The following WDR90 variants were observed in gnomAD, a reference collection of about 807,000 sequenced individuals.
The protein encoded by WDR90 is WD repeat-containing protein 90.
In WDR90, 238 loss-of-function variants were observed where a neutral mutation model predicts 195.2. The ratio of observed to expected loss-of-function variants is 1.22; its 90% CI spans 1.10 to 1.36. WDR90 has a LOEUF of 1.36. Among genes scored for constraint, WDR90 ranks in the 40% most tolerant of loss-of-function variants. The pLI is 0.00. For missense variants in WDR90, 2,734 were observed against 2,439.5 expected (o/e 1.12, Z -2.54); for synonymous variants, 1,265 against 1,052.4 (o/e 1.20, Z -3.91).
Position 662,678 on chromosome 16 carries a change from G to A in WDR90, c.4146-1G>A. ...CTCCTTCCCTGCACCCTGAGGTCCAGTTCTGTGTTCATGGAACACGAGCTG... is the reference window on the plus strand; with the variant it reads ...CTCCTTCCCTGCACCCTGAGGTCCAATTCTGTGTTCATGGAACACGAGCTG... On this transcript the variant is annotated splice_acceptor_variant, in intron 33 of 40. Transcript: ENST00000293879. LOFTEE classifies it high-confidence loss of function. The A allele has an allele frequency of 1.9e-6, 3 of 1,546,350 alleles. No homozygotes were observed. Among genetic ancestry groups the A allele is most frequent in the Non-Finnish European group, 2.6e-6 (3 of 1,143,220 alleles).
chr16:659,130 A>G lies in WDR90; in HGVS notation c.3052+4A>G, dbSNP rs768416222. 10 of 1,611,478 alleles carry G rather than the reference A, an allele frequency of 6.2e-6. No individual in the cohort carries two copies. Among genetic ancestry groups the G allele is most frequent in the African/African-American group, 1.3e-5 (1 of 74,988 alleles). ...GCCCCCCCAGCCTGCAAGACAGGTG[A>G]GTGGCTGTGCTCAGCTGGGGTGCAG... On this transcript the variant is annotated splice_donor_region_variant and intron_variant, in intron 25 of 40. Coordinates refer to ENST00000293879, the MANE Select transcript of WDR90 (RefSeq NM_145294.5).
intron 10 of WDR90, among the ~76,000 whole-genome samples, chr16:653,032 T>G (rs1030485548): frequency 2.6e-5 from 4 of 152,236 alleles, no homozygotes; most frequent in Admixed American, 2.6e-4. Flanking sequence ...TTTGGCCTTT[T>G]GTTACCCCCA....
At position 667,777 on chromosome 16, in the gene WDR90, G is replaced by A; in HGVS notation, c.*188G>A. On this transcript the variant is annotated 3_prime_UTR_variant, in exon 41 of 41. Transcript: ENST00000293879. Reference sequence around the variant, plus strand: ...ATACTTTCATACCTGTTGCCCTTTTGCCTAAGAAATCTTTAATGTTTCTAT... The same window carrying A: ...ATACTTTCATACCTGTTGCCCTTTTACCTAAGAAATCTTTAATGTTTCTAT... 1.3e-6 allele frequency: 1 copy of A among 781,468 alleles called. No homozygotes were observed. The allele number at this position is 781,468 out of a possible 1,614,324, so 48.4% of individuals were successfully genotyped here.
At position 656,791 on chromosome 16, in the gene WDR90, G is replaced by A. The variant is rs778878810; in HGVS notation, c.2262G>A (p.Arg754=). Residue 754 remains arginine (R), a synonymous_variant, in exon 19 of 41, where the codon AGG becomes AGA. Transcript: ENST00000293879. ...APCAVTFHPT[R]PTFFCGFSSG... is the part of the protein sequence containing the mutation. ...GCGCTGTCACCTTCCACCCCACAAGGCCAACCTTTTTCTGTGGCTTTAGCA... is the reference window on the plus strand; with the variant it reads ...GCGCTGTCACCTTCCACCCCACAAGACCAACCTTTTTCTGTGGCTTTAGCA... 4.3e-6 allele frequency: 7 copies of A among 1,613,252 alleles called. No homozygotes were observed. The highest frequency in any genetic ancestry group is 1.1e-5 in the South Asian group (1 of 91,088).
intron 34 of WDR90, chr16:663,104 T>C (rs1333710647): frequency 3.2e-6 from 2 of 634,220 alleles, no homozygotes; most frequent in Admixed American, 4.7e-5. Flanking sequence ...TGCTTTGCGT[T>C]TTTTTGTTTG....
rs3803697 is a variant in WDR90, at chr16:655,360, T to C, written c.1610T>C (p.Val537Ala). 687,712 of 1,600,204 alleles carry C rather than the reference T, an allele frequency of 0.43. 166,884 individuals carry two copies. Among genetic ancestry groups the C allele is most frequent in the East Asian group, 0.97 (43,652 of 44,772 alleles). ...SVRLWRLRGG[V>A]LRSCPVDLGE... ...CGGCTCTGGCGGCTGCGTGGCGGGG[T>C]GCTGCGTTCCTGCCCCGTGGACTTA... Residue 537 changes from valine to alanine, a missense_variant, in exon 15 of 41, where the codon GTG (valine) becomes GCG (alanine). Val to Ala is a moderately conservative substitution (Grantham distance 64, BLOSUM62 0). Transcript: ENST00000293879.
chr16:660,151 A>C lies in WDR90; in HGVS notation c.3278A>C (p.His1093Pro), dbSNP rs1343698278. 1 of 1,531,922 alleles carries C rather than the reference A, an allele frequency of 6.5e-7. No individual in the cohort carries two copies. Among genetic ancestry groups the C allele is most frequent in the African/African-American group, 1.4e-5 (1 of 72,522 alleles). The allele number at this position is 1,531,922 out of a possible 1,614,324, so 94.9% of individuals were successfully genotyped here. Reference sequence around the variant, plus strand: ...CCTGCCAGGGTCAGCTGCAGCCCCCACTCTGCCAAGGTGGGGAGTGGTTTC... The same window carrying C: ...CCTGCCAGGGTCAGCTGCAGCCCCCCCTCTGCCAAGGTGGGGAGTGGTTTC... The part of the protein sequence containing the change: ...FTPARVSCSP[H>P]SAKGTCPPPA... Residue 1093 changes from histidine (H) to proline (P), a missense_variant, in exon 27 of 41, where the codon CAC becomes CCC. Physicochemically the swap from His to Pro is moderately conservative, Grantham distance 77. Coordinates refer to ENST00000293879, the MANE Select transcript of WDR90 (RefSeq NM_145294.5).
At chr16:662,143 C>T (rs1439737097) in intron 32 of WDR90, 77 bp from the exon 33 acceptor site, 2 of 1,538,514 alleles carry the variant, frequency 1.3e-6, no homozygotes, top group South Asian at 1.2e-5. Context: ...ATCTGTAGCC[C>T]TGGCGTCCGG....
At chr16:661,855 C>A in intron 31 of WDR90, 36 bp from the exon 32 acceptor site, 1 of 1,593,670 alleles carries the variant, frequency 6.3e-7, no homozygotes, top group Non-Finnish European at 8.6e-7. Context: ...GGCCCCGGGA[C>A]ACTGCTGACC....
In WDR90 at chr16:651,200, T is replaced by C. The variant is rs1457160940; in HGVS notation, c.670T>C (p.Phe224Leu). The C allele has an allele frequency of 6.2e-7, 1 of 1,613,026 alleles. No individual in the cohort carries two copies. Among genetic ancestry groups the C allele is most frequent in the Admixed American group, 1.7e-5 (1 of 60,006 alleles). ...CTGACTCTCCCTCTGCCTGCCAAGG[T>C]TTCCAAGTGAGAGCTTGAAAGTGCC... is the stretch of plus-strand genomic sequence containing the variant. ...SWHDRYIHVR[F>L]PSESLKVPSK... The change falls in exon 7 of 41, where the codon TTT becomes CTT. Residue 224 changes from phenylalanine (F) to leucine (L), a missense_variant and splice_region_variant. By Grantham distance (22) the Phe-to-Leu change is conservative (BLOSUM62 0). Coordinates refer to ENST00000293879, the MANE Select transcript of WDR90 (RefSeq NM_145294.5).
Position 651,104 on chromosome 16 carries a change from G to T in WDR90, c.668+1G>T. 6.2e-7 allele frequency: 1 copy of T among 1,612,594 alleles called. No homozygotes were observed. The highest frequency in any genetic ancestry group is 8.5e-7 in the Non-Finnish European group (1 of 1,179,266). On this transcript the variant is annotated splice_donor_variant, in intron 6 of 40. Coordinates refer to ENST00000293879, the MANE Select transcript of WDR90 (RefSeq NM_145294.5). LOFTEE classifies it high-confidence loss of function. The stretch of plus-strand genomic sequence containing the variant: ...GGCATGACCGCTACATCCACGTCCG[G>T]TGAGTGGTTCTGCTTCTTTCGAGGG...
In WDR90 at chr16:650,541, C is replaced by T. The variant is rs2037623197; in HGVS notation, c.391C>T (p.Leu131=). The T allele has an allele frequency of 1.2e-6, 2 of 1,604,018 alleles. No homozygotes were observed. The highest frequency in any genetic ancestry group is 2.2e-5 in the East Asian group (1 of 44,560). ...VLEARTPQRD[L]VGLAPSGARW... Reference sequence around the variant, plus strand: ...GACCCTGAGTGCCCATCCTGCAGATCTGGTGGGTTTGGCCCCCTCCGGAGC... The same window carrying T: ...GACCCTGAGTGCCCATCCTGCAGATTTGGTGGGTTTGGCCCCCTCCGGAGC... The change falls in exon 5 of 41, where the codon CTG becomes TTG. Residue 131 remains leucine, a splice_region_variant and synonymous_variant. Transcript: ENST00000293879.
At chr16:655,943 G>A (rs768820136) in intron 17 of WDR90, 54 bp downstream of exon 17, 18 of 1,530,068 alleles carry the variant, frequency 1.2e-5, no homozygotes, top group African/African-American at 1.4e-5. Context: ...CTGGATGCTG[G>A]GGCGGGGAAG....
rs1171498957 is a variant in WDR90, at chr16:657,846, C to T, written c.2558C>T (p.Pro853Leu). Residue 853 changes from proline to leucine, a missense_variant, in exon 21 of 41, where the codon CCC becomes CTC. By Grantham distance (98) the Pro-to-Leu change is moderately conservative. Transcript: ENST00000293879. Reference protein sequence around the residue: ...RDGRLLAFVGPSRCTVTVMGS... With the variant: ...RDGRLLAFVGLSRCTVTVMGS... ...GGCCGCCTGCTGGCCTTTGTGGGACCCTCCAGGTGCACAGTGACAGTCATG... is the reference window on the plus strand; with the variant it reads ...GGCCGCCTGCTGGCCTTTGTGGGACTCTCCAGGTGCACAGTGACAGTCATG... 4.4e-6 allele frequency: 7 copies of T among 1,588,108 alleles called. No homozygotes were observed. The highest frequency in any genetic ancestry group is 2.3e-5 in the East Asian group (1 of 43,740).
In WDR90 at chr16:651,184, C is replaced by T. The variant is rs369611491; in HGVS notation, c.669-15C>T. On this transcript the variant is annotated splice_polypyrimidine_tract_variant and intron_variant, in intron 6 of 40. Transcript: ENST00000293879. ...CTTGGGCCCCCAGACACTGACTCTC[C>T]CTCTGCCTGCCAAGGTTTCCAAGTG... 9.1e-5 allele frequency: 147 copies of T among 1,613,238 alleles called. No homozygotes were observed. The African/African-American group carries it at 1.3e-3, about 14-fold the overall frequency.
chr16:666,085 C>A lies in WDR90; in HGVS notation c.4570C>A (p.His1524Asn), dbSNP rs376132942. The change falls in exon 36 of 41, where the codon CAC becomes AAC. Residue 1524 changes from histidine (H) to asparagine (N), a missense_variant. Physicochemically the swap from His to Asn is moderately conservative, Grantham distance 68. Coordinates refer to ENST00000293879, the MANE Select transcript of WDR90 (RefSeq NM_145294.5). ...RTAMELKMHP[H>N]PVALTTVAFS... ...GGCCATGGAGCTCAAGATGCACCCC[C>A]ACCCGGTGGCGCTGACCACTGTTGC... 1.9e-6 allele frequency: 3 copies of A among 1,610,280 alleles called. No individual in the cohort carries two copies. The highest frequency in any genetic ancestry group is 1.7e-6 in the Non-Finnish European group (2 of 1,179,732).
intron 40 of WDR90, 30 bp from the exon 41 acceptor site, chr16:667,402 C>G (rs771054035): frequency 6.4e-7 from 1 of 1,572,046 alleles, no homozygotes; most frequent in Admixed American, 1.7e-5. Context: ...CTGGTCCTGG[C>G]CCTGGCCCAC....
rs1442863186 is a variant in WDR90 at position 659,309 on chromosome 16, C to T, written c.3117C>T (p.Val1039=). The T allele has an allele frequency of 1.9e-6, 3 of 1,600,832 alleles. No homozygotes were observed. The South Asian group carries it at 3.4e-5, about 18-fold the overall frequency. The change falls in exon 26 of 41, where the codon GTC becomes GTT. Residue 1039 remains valine (V), a synonymous_variant. Coordinates refer to ENST00000293879, the MANE Select transcript of WDR90 (RefSeq NM_145294.5). ...CCAGCGAGCTCCCCCGGCAGCAGGT[C>T]CCCAAGCCATGTCAGGCATCTCCAC... The part of the protein sequence containing the change: ...SRASELPRQQ[V]PKPCQASPPR...
rs1178422660 is a variant in WDR90 at position 658,879 on chromosome 16, G to A, written c.2896-17G>A. ...TGCCCCGCCTCGGGGTCCTGCATGT[G>A]ACGCCGCTACCCCTAGGTGTACATC... On this transcript the variant is annotated splice_polypyrimidine_tract_variant and intron_variant, in intron 23 of 40. Transcript: ENST00000293879. 1 of 1,610,130 alleles carries A rather than the reference G, an allele frequency of 6.2e-7. No homozygotes were observed. Among genetic ancestry groups the A allele is most frequent in the Non-Finnish European group, 8.5e-7 (1 of 1,179,728 alleles).
Sources: gnomAD v4.1 joint callset for allele counts (sites outside exome capture counted in the v4.1 genomes callset) on GRCh38, gnomAD v4.1.1 for gene constraint, MANE v1.5 for transcripts, NCBI Gene and HGNC (gene_info 2026-07-23, HGNC 2026-07-21) for gene names.